The following ITGA10 variants were observed in gnomAD, a reference collection of about 807,000 sequenced individuals.
ITGA10 encodes integrin subunit alpha 10.
A neutral mutation model predicts 145.2 loss-of-function variants in ITGA10; 105 were observed. The ratio of observed to expected loss-of-function variants is 0.72; its 90% CI spans 0.62 to 0.85. The LOEUF (loss-of-function observed/expected upper bound fraction) is 0.85, where lower values mean the gene tolerates loss of function less well. Ranked by LOEUF, ITGA10 falls within the 40% of genes least tolerant of loss-of-function variation. ITGA10 has a pLI of 0.00. For missense variants in ITGA10, 1,317 were observed against 1,444.5 expected (o/e 0.91, Z 1.43); for synonymous variants, 506 against 557.8 (o/e 0.91, Z 1.31).
In ITGA10 at chr1:145,893,187, C is replaced by T; in HGVS notation, c.3412G>A (p.Ala1138Thr). The T allele has an allele frequency of 6.2e-7, 1 of 1,613,826 alleles. No individual in the cohort carries two copies. Residue 1138 changes from alanine (A) to threonine (T), a missense_variant, in exon 29 of 30, where the codon GCT becomes ACT. By Grantham distance (58) the Ala-to-Thr change is moderately conservative (BLOSUM62 0). Coordinates refer to ENST00000369304, the MANE Select transcript of ITGA10 (RefSeq NM_003637.5). ...TTCCACAGGCAGAAGACAAGGAGAG[C>T]AAGCAGGAGCAACCCTCCCAGGACA... ...GSVLGGLLLLALLVFCLWKLG... is the reference protein window; with the variant it reads ...GSVLGGLLLLTLLVFCLWKLG...
Position 145,895,304 on chromosome 1 carries a change from C to A in ITGA10, c.3204G>T (p.Leu1068=), listed in dbSNP as rs368075130. The part of the protein sequence containing the change: ...GTEVSVGLLR[L]VHNEFFRRAK... ...CTCTTCGGAAAAATTCATTGTGAAC[C>A]AGCCTCAATAGTCCAACAGAGACCT... The change falls in exon 27 of 30, where the codon CTG becomes CTT. Residue 1068 remains leucine, a synonymous_variant. Coordinates refer to ENST00000369304, the MANE Select transcript of ITGA10 (RefSeq NM_003637.5). The A allele has an allele frequency of 3.1e-6, 5 of 1,613,852 alleles. No individual in the cohort carries two copies. The highest frequency in any genetic ancestry group is 1.6e-4 in the Middle Eastern group (1 of 6,062).
chr1:145,893,693 T>A, intron 27 of ITGA10, 58 bp from the exon 28 acceptor site: 1 of 1,352,474 alleles, frequency 7.4e-7, no homozygotes, highest in African/African-American at 1.4e-5. Flanking sequence ...GTGATATAGT[T>A]CTTTGGAATC....
At position 145,892,868 on chromosome 1, in the gene ITGA10, A is replaced by G; in HGVS notation, c.3439-5T>C. On this transcript the variant is annotated splice_region_variant and splice_polypyrimidine_tract_variant and intron_variant, in intron 29 of 29. Transcript: ENST00000369304. ...CTTATGGGCAAAGAAGCCAAGCTGT[A>G]GAAGAAAAGATAAGCGTCACTGCCA... 1 of 1,613,222 alleles carries G rather than the reference A, an allele frequency of 6.2e-7. No homozygotes were observed. The highest frequency in any genetic ancestry group is 1.1e-5 in the South Asian group (1 of 91,056).
chr1:145,900,078 T>C lies in ITGA10; in HGVS notation c.1901A>G (p.Gln634Arg). 1 of 1,613,824 alleles carries C rather than the reference T, an allele frequency of 6.2e-7. No individual in the cohort carries two copies. The highest frequency in any genetic ancestry group is 1.3e-5 in the African/African-American group (1 of 75,028). The change falls in exon 15 of 30, where the codon CAG becomes CGG. Residue 634 changes from glutamine to arginine, a missense_variant. Transcript: ENST00000369304. ...TCACCTGAGCAGGATGGCTGCCCCC[T>C]GGGCACCCACAGCCACATCGACCAG... Reference protein sequence around the residue: ...DDLVDVAVGAQGAAILLSSRP... With the variant: ...DDLVDVAVGARGAAILLSSRP...
chr1:145,903,818 C>A (rs1162111372), intron 7 of ITGA10, among the ~76,000 whole-genome samples: 3 of 152,098 alleles, frequency 2.0e-5, no homozygotes, highest in African/African-American at 7.2e-5. Flanking sequence ...TCCGAAGTAG[C>A]ATGCCTCTGA....
At chr1:145,905,629 T>C (rs1305788371) in intron 5 of ITGA10, 1 of 151,988 alleles carries the variant, frequency 6.6e-6, no homozygotes, top group Non-Finnish European at 1.5e-5. Context: ...CAGGCTGGAG[T>C]GTAGTGGCAT....
rs1553746085 is a variant in ITGA10 at position 145,898,180 on chromosome 1, A to G, written c.2276T>C (p.Phe759Ser). 1 of 1,614,068 alleles carries G rather than the reference A, an allele frequency of 6.2e-7. No homozygotes were observed. Among genetic ancestry groups the G allele is most frequent in the Non-Finnish European group, 8.5e-7 (1 of 1,179,994 alleles). The part of the protein sequence containing the change: ...YLRPVALTVT[F>S]ALDNTTKPGP... ...TGGCTTTGTAGTATTGTCCAAGGCA[A>G]AGGTCACAGTCAAGGCCACTGGCCG... Residue 759 changes from phenylalanine to serine, a missense_variant, in exon 18 of 30, where the codon TTT (phenylalanine) becomes TCT (serine). Physicochemically the swap from Phe to Ser is radical, Grantham distance 155. Transcript: ENST00000369304.
At position 145,901,762 on chromosome 1, in the gene ITGA10, A is replaced by G. The variant is rs2274619; in HGVS notation, c.1295-98T>C. 755,611 of 1,545,204 alleles carry G rather than the reference A, an allele frequency of 0.49. 188,592 individuals carry two copies. Among genetic ancestry groups the G allele is most frequent in the Non-Finnish European group, 0.52 (587,545 of 1,139,798 alleles). ...ATAGCAGGAGGTCCCAAGGGAAGTA[A>G]CCAGAGGTCAGTGAGAAACCGCATG... On this transcript the variant is annotated intron_variant, in intron 11 of 29. Transcript: ENST00000369304. The surrounding 1 kb of genome is among the most constrained non-coding windows in gnomAD (Gnocchi z 4.3).
At position 145,902,602 on chromosome 1, in the gene ITGA10, G is replaced by A. The variant is rs782154308; in HGVS notation, c.927C>T (p.Leu309=). 6.2e-7 allele frequency: 1 copy of A among 1,606,730 alleles called. No individual in the cohort carries two copies. The highest frequency in any genetic ancestry group is 1.1e-5 in the South Asian group (1 of 89,500). ...AAGAGCTGGGATCTCGCTGCCGCCG[G>A]AGGTAGTGACCAAGGACCTAAGAGG... ...RYGIAVLGHY[L]RRQRDPSSFL... is the part of the protein sequence containing the mutation. Residue 309 remains leucine (L), a synonymous_variant, in exon 9 of 30, where the codon CTC becomes CTT. Transcript: ENST00000369304.
At chr1:145,909,722 A>C (rs1377737707) in intron 1 of ITGA10, among the ~76,000 whole-genome samples, 2 of 145,182 alleles carry the variant, frequency 1.4e-5, no homozygotes, top group Non-Finnish European at 3.0e-5. Context: ...TTATATAATT[A>C]TTAGATACAA....
chr1:145,898,014 C>T (rs1213524054), intron 18 of ITGA10, 96 bp downstream of exon 18: 3 of 1,273,632 alleles, frequency 2.4e-6, no homozygotes, highest in Non-Finnish European at 3.4e-6. Flanking sequence ...GAGCCCAGGT[C>T]AGATTTCACC....
At chr1:145,904,899 C>CATTT in intron 5 of ITGA10, 88 bp from the exon 6 acceptor site, 1 of 1,413,698 alleles carries the variant, frequency 7.1e-7, no homozygotes, top group Non-Finnish European at 9.8e-7. Flanking sequence ...TCAATTTAGA[C>CATTT]ATTTATAAGG....
chr1:145,902,687 G>A (rs1308965979), intron 8 of ITGA10, 68 bp from the exon 9 acceptor site: 35 of 1,540,992 alleles, frequency 2.3e-5, no homozygotes, highest in Non-Finnish European at 2.9e-5. Flanking sequence ...CTAACATGCT[G>A]TGGCTGAAGT....
Position 145,895,574 on chromosome 1 carries a change from C to T in ITGA10, c.3114+57G>A, listed in dbSNP as rs782351115. The T allele has an allele frequency of 1.1e-5, 17 of 1,557,670 alleles. No individual in the cohort carries two copies. The African/African-American group carries it at 1.8e-4, about 16-fold the overall frequency. On this transcript the variant is annotated intron_variant, in intron 26 of 29. Coordinates refer to ENST00000369304, the MANE Select transcript of ITGA10 (RefSeq NM_003637.5). ...CCACTCCAGTTCCTACCCTCTTGTC[C>T]CAAGTCACCCAACTCCACTTGCATT...
At chr1:145,906,328 G>A (rs1553750965) in intron 5 of ITGA10, 66 bp downstream of exon 5, 2 of 1,204,786 alleles carry the variant, frequency 1.7e-6, no homozygotes, top group Admixed American at 3.4e-5. Flanking sequence ...ATACCGCTTT[G>A]CCCCATCTTT....
rs782640922 is a variant in ITGA10, at chr1:145,895,710, G to A, written c.3035C>T (p.Ala1012Val). 12 of 1,614,076 alleles carry A rather than the reference G, an allele frequency of 7.4e-6. No homozygotes were observed. Among genetic ancestry groups the A allele is most frequent in the Non-Finnish European group, 1.0e-5 (12 of 1,180,020 alleles). Residue 1012 changes from alanine to valine, a missense_variant and splice_region_variant, in exon 26 of 30, where the codon GCA becomes GTA. Ala to Val is a moderately conservative substitution (Grantham distance 64, BLOSUM62 0). Transcript: ENST00000369304. Reference protein sequence around the residue: ...LSLSQVITNNASCIVQNLTEP... With the variant: ...LSLSQVITNNVSCIVQNLTEP... The stretch of plus-strand genomic sequence containing the variant: ...AGTCAGGTTCTGCACTATGCAGCTT[G>A]CCTAGAGGAAGATCCAACTTGAAAG...
At chr1:145,904,332 T>C in intron 6 of ITGA10, 132 bp from the exon 7 acceptor site, 1 of 815,704 alleles carries the variant, frequency 1.2e-6, no homozygotes, top group Non-Finnish European at 2.0e-6. Flanking sequence ...TTATCCCCTC[T>C]CTCTCTGTCT....
Position 145,893,156 on chromosome 1 carries a change from C to T in ITGA10, c.3438+5G>A, listed in dbSNP as rs374698273. The stretch of plus-strand genomic sequence containing the variant: ...CTCCACACTCCCCACTAAAGCAGTG[C>T]TTACCTTCCACAGGCAGAAGACAAG... On this transcript the variant is annotated splice_donor_5th_base_variant and intron_variant, in intron 29 of 29. Coordinates refer to ENST00000369304, the MANE Select transcript of ITGA10 (RefSeq NM_003637.5). 2.5e-6 allele frequency: 4 copies of T among 1,598,600 alleles called. No homozygotes were observed. Among genetic ancestry groups the T allele is most frequent in the Non-Finnish European group, 2.6e-6 (3 of 1,166,028 alleles).
intron 17 of ITGA10, 146 bp from the exon 18 acceptor site, chr1:145,898,369 A>G (rs1553746197): frequency 2.1e-5 from 6 of 281,060 alleles, no homozygotes; most frequent in Non-Finnish European, 2.6e-5. Context: ...TAATTTATTT[A>G]TTTATTTATT....
Sources: allele counts gnomAD v4.1 joint callset (sites outside exome capture counted in the v4.1 genomes callset), GRCh38; gene constraint gnomAD v4.1.1; non-coding constraint Gnocchi (gnomAD v3.1); transcripts MANE v1.5; gene names NCBI Gene and HGNC (gene_info 2026-07-23, HGNC 2026-07-21).